PRPF8: variants seen among roughly 807,000 people sequenced by gnomAD.
The protein encoded by PRPF8 is pre-mRNA processing factor 8, also known as pre-mRNA-processing-splicing factor 8.
In PRPF8, 64 loss-of-function variants were observed where a neutral mutation model predicts 285.9. The ratio of observed to expected loss-of-function variants is 0.22; its 90% CI spans 0.18 to 0.28. The LOEUF is 0.28. Ranked by LOEUF, PRPF8 falls within the 10% of genes least tolerant of loss-of-function variation. The pLI is 1.00. For missense variants in PRPF8, 1,426 were observed against 3,026.7 expected (o/e 0.47, Z 12.41); for synonymous variants, 1,325 against 1,118.2 (o/e 1.18, Z -3.69).
intron 1 of PRPF8, 84 bp downstream of exon 1, chr17:1,684,696 G>A (rs1273378796): frequency 2.1e-6 from 2 of 953,850 alleles, no homozygotes; most frequent in Non-Finnish European, 3.3e-6. Context: ...AGTGCATCCA[G>A]CCCCGCCCGG....
In PRPF8 at chr17:1,679,184, C is replaced by G. The variant is rs751778361; in HGVS notation, c.1432G>C (p.Ala478Pro). The G allele has an allele frequency of 6.2e-7, 1 of 1,614,166 alleles. No individual in the cohort carries two copies. Among genetic ancestry groups the G allele is most frequent in the African/African-American group, 1.3e-5 (1 of 75,024 alleles). ...TTTGTGGACTGAAAGAATTTGGTGG[C>G]TTTGAAGGAGCGGAACAAATACCTG... ...KKRYLFRSFKATKFFQSTKLD... is the reference protein window; with the variant it reads ...KKRYLFRSFKPTKFFQSTKLD... The change falls in exon 11 of 43, where the codon GCC becomes CCC. Residue 478 changes from alanine to proline, a missense_variant. Coordinates refer to ENST00000304992, the MANE Select transcript of PRPF8 (RefSeq NM_006445.4). The surrounding 1 kb of genome is among the most constrained non-coding windows in gnomAD (Gnocchi z 4.7).
At chr17:1,680,460 A>C (rs1016176142) in intron 8 of PRPF8, 12 of 556,536 alleles carry the variant, frequency 2.2e-5, no homozygotes, top group East Asian at 3.1e-5. Flanking sequence ...AAAACAAACA[A>C]ACACAATAGA....
Position 1,672,782 on chromosome 17 carries a change from G to T in PRPF8, c.3774+299C>A, listed in dbSNP as rs981109410. ...TAACATGACTTAGATAAGCACCTGA[G>T]AAAATGCAAAAATAATGCTTTTCTG... is the stretch of plus-strand genomic sequence containing the variant. On this transcript the variant is annotated intron_variant, in intron 24 of 42. Coordinates refer to ENST00000304992, the MANE Select transcript of PRPF8 (RefSeq NM_006445.4). Among the ~76,000 whole-genome samples the T allele has an allele frequency of 2.9e-4, 44 of 152,052 alleles. 1 individual carries two copies. The highest frequency in any genetic ancestry group is 2.3e-3 in the Admixed American group (35 of 15,266).
rs1912616043 is a variant in PRPF8, at chr17:1,676,672, G to A, written c.2221C>T (p.Arg741Ter). The A allele has an allele frequency of 1.2e-6, 2 of 1,614,092 alleles. No homozygotes were observed. The highest frequency in any genetic ancestry group is 1.7e-6 in the Non-Finnish European group (2 of 1,180,024). Reference protein sequence around the residue: ...LPTPIENMILRYVKAKADWWT... With the variant: ...LPTPIENMIL ...CAGTCAGCCTTGGCCTTCACGTATC[G>A]AAGGATCATATTCTCTATGGGCGTC... The change falls in exon 16 of 43, where the codon CGA becomes TGA. Residue 741 changes from arginine (R) to a stop codon, truncating the protein, a stop_gained. Transcript: ENST00000304992. LOFTEE classifies it high-confidence loss of function. This position sits in a 1 kb window ranked among gnomAD's most constrained non-coding sequence, Gnocchi z 6.3.
chr17:1,671,201 C>G (rs767388244), intron 24 of PRPF8, among the ~76,000 whole-genome samples: 3 of 152,182 alleles, frequency 2.0e-5, no homozygotes, highest in Non-Finnish European at 2.9e-5. Context: ...CTACTTCTTT[C>G]AGGAATCCTT....
Position 1,653,592 on chromosome 17 carries a change from G to C in PRPF8, c.6319C>G (p.Pro2107Ala). 1 of 1,614,204 alleles carries C rather than the reference G, an allele frequency of 6.2e-7. No homozygotes were observed. The highest frequency in any genetic ancestry group is 8.5e-7 in the Non-Finnish European group (1 of 1,180,034). ...IKETGYTYIL[P>A]KNVLKKFICI... ...ATGAACTTCTTAAGCACATTCTTGGGAAGGATGTAGGTGTAGCCAGTCTCC... is the reference window on the plus strand; with the variant it reads ...ATGAACTTCTTAAGCACATTCTTGGCAAGGATGTAGGTGTAGCCAGTCTCC... Residue 2107 changes from proline to alanine, a missense_variant, in exon 39 of 43, where the codon CCC (proline) becomes GCC (alanine). By Grantham distance (27) the Pro-to-Ala change is conservative. Transcript: ENST00000304992. The surrounding 1 kb of genome is among the most constrained non-coding windows in gnomAD (Gnocchi z 4.9).
rs1597246186 is a variant in PRPF8 at position 1,677,004 on chromosome 17, C to T, written c.2153G>A (p.Arg718His). 6.2e-7 allele frequency: 1 copy of T among 1,613,980 alleles called. No homozygotes were observed. Among genetic ancestry groups the T allele is most frequent in the Non-Finnish European group, 8.5e-7 (1 of 1,180,006 alleles). The stretch of plus-strand genomic sequence containing the variant: ...CCAGGGAATGTTGGCTTTCCAGCAG[C>T]GCCAGGCTTCACTGAGGTGCTGCAG... The part of the protein sequence containing the change: ...TILQHLSEAW[R>H]CWKANIPWKV... Residue 718 changes from arginine to histidine, a missense_variant, in exon 15 of 43, where the codon CGC becomes CAC. By Grantham distance (29) the Arg-to-His change is conservative. Around this residue, in one of 34 missense-constraint regions of PRPF8, gnomAD observed 30 missense variants for 61.0 expected, o/e 0.49. Coordinates refer to ENST00000304992, the MANE Select transcript of PRPF8 (RefSeq NM_006445.4).
rs1340710552 is a variant in PRPF8 at position 1,655,244 on chromosome 17, C to T, written c.5987+106G>A. 9.3e-6 allele frequency: 12 copies of T among 1,284,658 alleles called. 1 individual carries two copies. The highest frequency in any genetic ancestry group is 1.2e-5 in the Non-Finnish European group (11 of 913,628). 79.6% of individuals were successfully genotyped at this position (1,284,658 alleles called of 1,614,324 possible). Reference sequence around the variant, plus strand: ...AAGTGCTGGGATTACAGGCATGAGCCACCGCGCCTGGCCTTCTTGAGAAAC... The same window carrying T: ...AAGTGCTGGGATTACAGGCATGAGCTACCGCGCCTGGCCTTCTTGAGAAAC... On this transcript the variant is annotated intron_variant, in intron 37 of 42. Transcript: ENST00000304992.
intron 28 of PRPF8, 79 bp downstream of exon 28, chr17:1,660,914 C>A: frequency 6.2e-7 from 1 of 1,612,444 alleles, no homozygotes; most frequent in Non-Finnish European, 8.5e-7. Flanking sequence ...CTGGGAAACA[C>A]CACAGGAAAT....
chr17:1,665,569 C>T (rs1354281435), intron 24 of PRPF8, among the ~76,000 whole-genome samples: 2 of 150,970 alleles, frequency 1.3e-5, no homozygotes, highest in African/African-American at 2.4e-5. Flanking sequence ...GTCAGCTGGG[C>T]ACGGTGGCTC....
At position 1,658,931 on chromosome 17, in the gene PRPF8, G is replaced by A; in HGVS notation, c.5139-168C>T. The A allele has an allele frequency of 1.4e-6, 1 of 722,626 alleles. No homozygotes were observed. Among genetic ancestry groups the A allele is most frequent in the South Asian group, 1.5e-5 (1 of 67,314 alleles). The allele number at this position is 722,626 out of a possible 1,614,324, so 44.8% of individuals were successfully genotyped here. A position where few individuals can be genotyped will look rare whatever the true frequency, so the allele number is the denominator to read the frequency against. ...AGAATCAGTGACCCATAGGAGGAATGGGCCACTTCCTCTCACTTAGGTAAA... is the reference window on the plus strand; with the variant it reads ...AGAATCAGTGACCCATAGGAGGAATAGGCCACTTCCTCTCACTTAGGTAAA... On this transcript the variant is annotated intron_variant, in intron 32 of 42. Coordinates refer to ENST00000304992, the MANE Select transcript of PRPF8 (RefSeq NM_006445.4). The surrounding 1 kb of genome is among the most constrained non-coding windows in gnomAD (Gnocchi z 4.1).
chr17:1,671,057 C>T (rs961333631), intron 24 of PRPF8, among the ~76,000 whole-genome samples: 3 of 152,198 alleles, frequency 2.0e-5, no homozygotes, highest in African/African-American at 7.2e-5. Context: ...TATCCAGCCT[C>T]ATCTCTTAAC....
chr17:1,682,018 C>A lies in PRPF8; in HGVS notation c.455G>T (p.Arg152Leu). 1 of 1,613,922 alleles carries A rather than the reference C, an allele frequency of 6.2e-7. No homozygotes were observed. The highest frequency in any genetic ancestry group is 8.5e-7 in the Non-Finnish European group (1 of 1,179,996). Residue 152 changes from arginine to leucine, a missense_variant, in exon 5 of 43, where the codon CGC (arginine) becomes CTC (leucine). Transcript: ENST00000304992. Reference sequence around the variant, plus strand: ...ATGCCTCCTATCTCTTTTTTCTCGGCGCATCATAATCCACATTGACCTGGA... The same window carrying A: ...ATGCCTCCTATCTCTTTTTTCTCGGAGCATCATAATCCACATTGACCTGGA... ...SQWGSMWIMM[R>L]REKRDRRHFK...
intron 24 of PRPF8, among the ~76,000 whole-genome samples, chr17:1,662,982 G>A (rs1911753989): frequency 6.6e-6 from 1 of 152,090 alleles, no homozygotes; most frequent in Non-Finnish European, 1.5e-5. Flanking sequence ...GATAAAGGCT[G>A]TTCAAAGCAA....
chr17:1,655,691 A>C, intron 36 of PRPF8, 148 bp from the exon 37 acceptor site: 1 of 692,242 alleles, frequency 1.4e-6, no homozygotes, highest in Non-Finnish European at 2.5e-6. Context: ...CAGTGGCATG[A>C]TCTCGGCTCA....
At chr17:1,657,448 A>G (rs1039816815) in intron 34 of PRPF8, among the ~76,000 whole-genome samples, 3 of 152,088 alleles carry the variant, frequency 2.0e-5, no homozygotes, top group Non-Finnish European at 4.4e-5. Flanking sequence ...GATTGAGACC[A>G]TCCTGGCCAA....
chr17:1,663,594 A>G (rs1026437496), intron 24 of PRPF8, among the ~76,000 whole-genome samples: 7 of 150,724 alleles, frequency 4.6e-5, no homozygotes, highest in African/African-American at 1.7e-4. Flanking sequence ...CTGTAGTCTC[A>G]GTTTCTTGGG....
At chr17:1,657,813 C>CA (rs777356290) in intron 34 of PRPF8, among the ~76,000 whole-genome samples, 88 of 134,868 alleles carry the variant, frequency 6.5e-4, no homozygotes, top group Non-Finnish European at 1.3e-3. Flanking sequence ...CTAAAAAATA[C>CA]AAAAAAAATT....
chr17:1,660,959 G>T (rs752737972), intron 28 of PRPF8, 34 bp downstream of exon 28: 3 of 1,613,066 alleles, frequency 1.9e-6, no homozygotes, highest in Non-Finnish European at 2.5e-6. Context: ...TCAAAGGGTT[G>T]TGACAGGTCC....
Sources: allele counts gnomAD v4.1 joint callset (sites outside exome capture counted in the v4.1 genomes callset), GRCh38; gene constraint gnomAD v4.1.1; regional missense constraint gnomAD v4.1.1; non-coding constraint Gnocchi (gnomAD v3.1); transcripts MANE v1.5; gene names NCBI Gene and HGNC (gene_info 2026-07-23, HGNC 2026-07-21).